The following MLLT6 variants were observed in gnomAD, a reference collection of about 807,000 sequenced individuals.
MLLT6 encodes the protein MLLT6, PHD finger containing.
A neutral mutation model predicts 103.0 loss-of-function variants in MLLT6; 22 were observed. The observed-to-expected ratio is 0.21, with a 90% CI of 0.15 to 0.31. The LOEUF (loss-of-function observed/expected upper bound fraction) is 0.31. Ranked by LOEUF, MLLT6 falls within the 10% of genes least tolerant of loss-of-function variation. MLLT6 has a pLI of 1.00. For missense variants in MLLT6, 1,199 were observed against 1,441.7 expected (o/e 0.83, Z 2.73); for synonymous variants, 606 against 623.5 (o/e 0.97, Z 0.42).
At chr17:38,711,763 G>C in intron 6 of MLLT6, 84 bp from the exon 7 acceptor site, 4 of 1,440,522 alleles carry the variant, frequency 2.8e-6, no homozygotes, top group Non-Finnish European at 3.7e-6. Context: ...CTGACCCCCA[G>C]GATCAGGATC....
At chr17:38,725,155 C>G in intron 19 of MLLT6, 179 bp downstream of exon 19, 1 of 567,960 alleles carries the variant, frequency 1.8e-6, no homozygotes, top group Non-Finnish European at 3.1e-6. Flanking sequence ...CCTGCACGGC[C>G]AAGAAAGATC....
Position 38,705,430 on chromosome 17 carries a change from C to A in MLLT6, c.-203C>A. The A allele has an allele frequency of 2.6e-6, 1 of 386,666 alleles. No individual in the cohort carries two copies. Among genetic ancestry groups the A allele is most frequent in the Non-Finnish European group, 4.7e-6 (1 of 212,578 alleles). 24.0% of individuals were successfully genotyped at this position (386,666 alleles called of 1,614,324 possible). A position where few individuals can be genotyped will look rare whatever the true frequency, so the allele number is the denominator to read the frequency against. On this transcript the variant is annotated 5_prime_UTR_variant, in exon 1 of 20. Transcript: ENST00000621332. ...GAGGGCGAGAGCACGGCGGGGGGGG[C>A]GGCCAGACAGAGCGAGCGAGGAGGA...
Position 38,715,786 on chromosome 17 carries a change from T to C in MLLT6, c.994T>C (p.Ser332Pro). ...SSFTSASSSS[S>P]SSSSSSGGPF... Reference sequence around the variant, plus strand: ...TTTTACCTCCGCCTCCTCTTCTTCCTCCTCCTCTTCCTCCTCCTCTGGGGG... The same window carrying C: ...TTTTACCTCCGCCTCCTCTTCTTCCCCCTCCTCTTCCTCCTCCTCTGGGGG... The change falls in exon 9 of 20, where the codon TCC becomes CCC. Residue 332 changes from serine (S) to proline (P), a missense_variant. Physicochemically the swap from Ser to Pro is moderately conservative, Grantham distance 74. This residue lies in a region of MLLT6 where 1,034 missense variants were observed against 1,091.5 expected (regional missense o/e 0.95). Transcript: ENST00000621332. The C allele has an allele frequency of 1.2e-6, 2 of 1,607,420 alleles. No homozygotes were observed. The highest frequency in any genetic ancestry group is 1.7e-6 in the Non-Finnish European group (2 of 1,176,614).
Position 38,705,473 on chromosome 17 carries a change from A to G in MLLT6, c.-160A>G. On this transcript the variant is annotated 5_prime_UTR_variant, in exon 1 of 20. Coordinates refer to ENST00000621332, the MANE Select transcript of MLLT6 (RefSeq NM_005937.4). Reference sequence around the variant, plus strand: ...GAGGAGGAGGAGGAGGAGGACGCGGAGGAGGAGGAAGGAGGAGGCAAAGAA... The same window carrying G: ...GAGGAGGAGGAGGAGGAGGACGCGGGGGAGGAGGAAGGAGGAGGCAAAGAA... The G allele has an allele frequency of 4.6e-6, 2 of 431,660 alleles. No homozygotes were observed. Among genetic ancestry groups the G allele is most frequent in the South Asian group, 5.9e-5 (2 of 33,778 alleles). 26.7% of individuals were successfully genotyped at this position (431,660 alleles called of 1,614,324 possible).
rs778799803 is a variant in MLLT6, at chr17:38,705,770, G to A, written c.109+29G>A. ...CGGGGGTGGCCCGCGGGGGGCGGCG[G>A]GACCCCGGGGGCGGCGTGCGCGGGG... On this transcript the variant is annotated intron_variant, in intron 1 of 19. Transcript: ENST00000621332. 2.5e-6 allele frequency: 3 copies of A among 1,194,536 alleles called. No homozygotes were observed. The East Asian group carries it at 9.2e-5, about 37-fold the overall frequency. The allele number at this position is 1,194,536 out of a possible 1,614,324, so 74.0% of individuals were successfully genotyped here. A position where few individuals can be genotyped will look rare whatever the true frequency, so the allele number is the denominator to read the frequency against.
chr17:38,719,547 G>A lies in MLLT6; in HGVS notation c.1973G>A (p.Cys658Tyr), dbSNP rs1455295450. Reference sequence around the variant, plus strand: ...GACCTGGAGGACTGCAGCTTCCGGTGTCGGGGGACCTCCCCTCAGGAGAGT... The same window carrying A: ...GACCTGGAGGACTGCAGCTTCCGGTATCGGGGGACCTCCCCTCAGGAGAGT... ...EPDLEDCSFR[C>Y]RGTSPQESLS... is the part of the protein sequence containing the mutation. The change falls in exon 13 of 20, where the codon TGT (cysteine) becomes TAT (tyrosine). Residue 658 changes from cysteine to tyrosine, a missense_variant. Physicochemically the swap from Cys to Tyr is radical, Grantham distance 194. This residue lies in a region of MLLT6 where 1,034 missense variants were observed against 1,091.5 expected (regional missense o/e 0.95). Transcript: ENST00000621332. The A allele has an allele frequency of 6.2e-7, 1 of 1,611,848 alleles. No individual in the cohort carries two copies.
At chr17:38,715,459 TC>T in intron 8 of MLLT6, 152 bp from the exon 9 acceptor site, 1 of 1,339,418 alleles carries the variant, frequency 7.5e-7, no homozygotes, top group African/African-American at 1.5e-5. Context: ...GTCTAGGAGC[TC>T]CTGGCCACTC....
rs760939573 is a variant in MLLT6, at chr17:38,724,699, G to A, written c.2963G>A (p.Gly988Asp). The change falls in exon 19 of 20, where the codon GGC becomes GAC. Residue 988 changes from glycine to aspartate, a missense_variant. Around this residue, in one of 7 missense-constraint regions of MLLT6, gnomAD observed 1,034 missense variants for 1,091.5 expected, o/e 0.95. Coordinates refer to ENST00000621332, the MANE Select transcript of MLLT6 (RefSeq NM_005937.4). This position sits in a 1 kb window ranked among gnomAD's most constrained non-coding sequence, Gnocchi z 5.4. ...CTGCAGCGCCTGCAGATGGCTGGGG[G>A]CTCCCAGCTGCCCATGGCCAGCCTG... ...RELQRLQMAGGSQLPMASLLA... is the reference protein window; with the variant it reads ...RELQRLQMAGDSQLPMASLLA... The A allele has an allele frequency of 1.9e-6, 3 of 1,612,950 alleles. No individual in the cohort carries two copies. Among genetic ancestry groups the A allele is most frequent in the Non-Finnish European group, 1.7e-6 (2 of 1,179,780 alleles).
At chr17:38,725,068 G>A in intron 19 of MLLT6, 92 bp downstream of exon 19, 1 of 962,456 alleles carries the variant, frequency 1.0e-6, no homozygotes, top group Non-Finnish European at 1.5e-6. Context: ...ACCTCAGCAG[G>A]GGGAAGGAAG....
At chr17:38,706,656 C>G (rs914393679) in intron 1 of MLLT6, 4 of 316,388 alleles carry the variant, frequency 1.3e-5, no homozygotes, top group Non-Finnish European at 2.3e-5. Flanking sequence ...ATGGCTGGTC[C>G]GAGGAAGAAG....
rs575741058 is a variant in MLLT6 at position 38,728,605 on chromosome 17, G to A, written c.*3007G>A. The A allele has an allele frequency of 2.1e-5, 5 of 233,716 alleles. No homozygotes were observed. The East Asian group carries it at 3.0e-4, about 14-fold the overall frequency. The allele number at this position is 233,716 out of a possible 1,614,324, so 14.5% of individuals were successfully genotyped here. A position where few individuals can be genotyped will look rare whatever the true frequency, so the allele number is the denominator to read the frequency against. On this transcript the variant is annotated 3_prime_UTR_variant, in exon 20 of 20. Coordinates refer to ENST00000621332, the MANE Select transcript of MLLT6 (RefSeq NM_005937.4). ...GTGCATGCCAGCGCCAAAGGGACCT[G>A]TCTTTAGGGGTCATTTCAGCCAGCT...
intron 17 of MLLT6, 45 bp from the exon 18 acceptor site, chr17:38,722,633 A>AGGGGGGGGG: frequency 1.3e-5 from 5 of 377,862 alleles, no homozygotes; most frequent in Non-Finnish European, 1.5e-5. Flanking sequence ...GCCCTCCCCC[A>AGGGGGGGGG]TGGTCTGTGT....
Position 38,716,436 on chromosome 17 carries a change from A to T in MLLT6, c.1106A>T (p.Tyr369Phe). Reference sequence around the variant, plus strand: ...CTGGAGCAGCCAGAGGAGGACAAGTACTCCAAGCCCACAGCCCCCGCCCCT... The same window carrying T: ...CTGGAGCAGCCAGAGGAGGACAAGTTCTCCAAGCCCACAGCCCCCGCCCCT... ...PKLEQPEEDK[Y>F]SKPTAPAPSA... is the part of the protein sequence containing the mutation. Residue 369 changes from tyrosine to phenylalanine, a missense_variant, in exon 10 of 20, where the codon TAC becomes TTC. Transcript: ENST00000621332. This position sits in a 1 kb window ranked among gnomAD's most constrained non-coding sequence, Gnocchi z 5.6. 6.2e-7 allele frequency: 1 copy of T among 1,613,418 alleles called. No homozygotes were observed. The highest frequency in any genetic ancestry group is 8.5e-7 in the Non-Finnish European group (1 of 1,179,740).
rs746432320 is a variant in MLLT6 at position 38,722,715 on chromosome 17, G to C, written c.2830G>C (p.Glu944Gln). The C allele has an allele frequency of 3.8e-6, 6 of 1,580,056 alleles. No individual in the cohort carries two copies. The highest frequency in any genetic ancestry group is 2.2e-5 in the South Asian group (2 of 90,462). Residue 944 changes from glutamate (E) to glutamine (Q), a missense_variant, in exon 18 of 20, where the codon GAG becomes CAG. By Grantham distance (29) the Glu-to-Gln change is conservative. Around this residue, in one of 7 missense-constraint regions of MLLT6, gnomAD observed 1,034 missense variants for 1,091.5 expected, o/e 0.95. Coordinates refer to ENST00000621332, the MANE Select transcript of MLLT6 (RefSeq NM_005937.4). ...EQQRHLLQQQEQQLQQLQQLL... is the reference protein window; with the variant it reads ...EQQRHLLQQQQQQLQQLQQLL... The stretch of plus-strand genomic sequence containing the variant: ...GCAGAGACATCTCCTTCAGCAGCAA[G>C]AGCAGCAGCTCCAGCAACTCCAGCA...
intron 19 of MLLT6, 35 bp from the exon 20 acceptor site, chr17:38,725,520 CTT>C: frequency 6.2e-7 from 1 of 1,602,014 alleles, no homozygotes; most frequent in Non-Finnish European, 8.5e-7. Context: ...GGACCTGACA[CTT>C]TCCACACCCC....
intron 3 of MLLT6, 63 bp from the exon 4 acceptor site, chr17:38,707,700 G>T (rs1268286058): frequency 7.3e-6 from 9 of 1,228,520 alleles, no homozygotes; most frequent in South Asian, 1.2e-5. Context: ...GCAGCGTGGG[G>T]TCATAAGGGG....
At position 38,728,761 on chromosome 17, in the gene MLLT6, G is replaced by C. The variant is rs772686999; in HGVS notation, c.*3163G>C. The C allele has an allele frequency of 2.1e-5, 5 of 234,748 alleles. No individual in the cohort carries two copies. Among genetic ancestry groups the C allele is most frequent in the Non-Finnish European group, 4.2e-5 (5 of 118,932 alleles). 14.5% of individuals were successfully genotyped at this position (234,748 alleles called of 1,614,324 possible). ...AACATGGTCTCCACATGGCTGGCTG[G>C]CTGGCTGTCCCTGTGTGTGTGTGAC... is the stretch of plus-strand genomic sequence containing the variant. On this transcript the variant is annotated 3_prime_UTR_variant, in exon 20 of 20. Transcript: ENST00000621332.
intron 2 of MLLT6, 121 bp from the exon 3 acceptor site, chr17:38,707,365 C>A: frequency 1.2e-6 from 1 of 849,826 alleles, no homozygotes; most frequent in Non-Finnish European, 1.9e-6. Flanking sequence ...AATCCTGTTT[C>A]CACTGTAGCC....
At position 38,711,829 on chromosome 17, in the gene MLLT6, C is replaced by T. The variant is rs760053831; in HGVS notation, c.553-18C>T. On this transcript the variant is annotated intron_variant, in intron 6 of 19. Coordinates refer to ENST00000621332, the MANE Select transcript of MLLT6 (RefSeq NM_005937.4). ...CGTGAGAAGAGGGTTTGCAATTTCT[C>T]TCAAATCTCTCCCGCAGAAGACATC... 8.0e-6 allele frequency: 12 copies of T among 1,509,144 alleles called. No homozygotes were observed. In the African/African-American group the frequency reaches 1.7e-4, roughly 21 times the overall value. The allele number at this position is 1,509,144 out of a possible 1,614,324, so 93.5% of individuals were successfully genotyped here.
Sources: allele counts gnomAD v4.1 joint callset, GRCh38; gene constraint gnomAD v4.1.1; regional missense constraint gnomAD v4.1.1; non-coding constraint Gnocchi (gnomAD v3.1); transcripts MANE v1.5; gene names NCBI Gene and HGNC (gene_info 2026-07-23, HGNC 2026-07-21).